IGFN1: variants seen among roughly 807,000 people sequenced by gnomAD.
IGFN1 encodes the protein immunoglobulin-like and fibronectin type III domain-containing protein 1.
In IGFN1, 253 loss-of-function variants were observed where a neutral mutation model predicts 289.5. That is an observed-to-expected ratio of 0.87 (90% confidence interval 0.79 to 0.97). The LOEUF (loss-of-function observed/expected upper bound fraction) is 0.97. IGFN1 is among the 50% of genes least tolerant of loss of function. The pLI is 0.00. For missense variants in IGFN1, 4,470 were observed against 4,686.1 expected, an observed-to-expected ratio of 0.95 and a Z score of 1.35; for synonymous variants, 1,706 against 1,788.5, an observed-to-expected ratio of 0.95 and a Z score of 1.16.
chr1:201,196,041 C>T lies in IGFN1; in HGVS notation c.267+63C>T. 3 of 1,496,638 alleles carry T rather than the reference C, an allele frequency of 2.0e-6. No homozygotes were observed. The South Asian group carries it at 3.8e-5, about 19-fold the overall frequency. 92.7% of individuals were successfully genotyped at this position (1,496,638 alleles called of 1,614,324 possible). A position where few individuals can be genotyped will look rare whatever the true frequency, so the allele number is the denominator to read the frequency against. ...CGTCTTTTCCCATCCCCTTGAAGGTCTCTTTGGCAGCCTCCAATCCCTAGA... is the reference window on the plus strand; with the variant it reads ...CGTCTTTTCCCATCCCCTTGAAGGTTTCTTTGGCAGCCTCCAATCCCTAGA... On this transcript the variant is annotated intron_variant, in intron 4 of 23. Coordinates refer to ENST00000335211, the MANE Select transcript of IGFN1 (RefSeq NM_001164586.2).
rs1400849848 is a variant in IGFN1, at chr1:201,207,273, A to G, written c.2380A>G (p.Arg794Gly). 6.5e-7 allele frequency: 1 copy of G among 1,536,790 alleles called. No homozygotes were observed. The highest frequency in any genetic ancestry group is 1.2e-5 in the South Asian group (1 of 84,056). The part of the protein sequence containing the change: ...CEGVLQELRG[R>G]DGQETAWASG... ...AGGTGTCCTACAGGAGCTCAGGGGA[A>G]GGGATGGCCAGGAAACAGCTTGGGC... The change falls in exon 12 of 24, where the codon AGG (arginine) becomes GGG (glycine). Residue 794 changes from arginine (R) to glycine (G), a missense_variant. Around this residue, in one of 8 missense-constraint regions of IGFN1, gnomAD observed 2,011 missense variants for 1,953.4 expected, o/e 1.03. Transcript: ENST00000335211.
In IGFN1 at chr1:201,215,091, C is replaced by T; in HGVS notation, c.8932C>T (p.Gln2978Ter). The change falls in exon 14 of 24, where the codon CAA (glutamine) becomes TAA (stop). Residue 2978 changes from glutamine to a stop codon, truncating the protein, a stop_gained. Coordinates refer to ENST00000335211, the MANE Select transcript of IGFN1 (RefSeq NM_001164586.2). LOFTEE classifies it high-confidence loss of function. ...SLFITHVQGT[Q>*]AGRYTFVAGD... is the part of the protein sequence containing the mutation. ...CTTCATCACGCATGTGCAGGGGACC[C>T]AAGCTGGGAGGTACACCTTTGTAGC... The T allele has an allele frequency of 1.9e-6, 3 of 1,614,074 alleles. No homozygotes were observed. Among genetic ancestry groups the T allele is most frequent in the South Asian group, 1.1e-5 (1 of 91,070 alleles).
intron 5 of IGFN1, among the ~76,000 whole-genome samples, chr1:201,197,749 C>T (rs191331928): frequency 1.1e-3 from 161 of 152,144 alleles, no homozygotes; most frequent in African/African-American, 3.5e-3. Context: ...TTTTGGTGTG[C>T]GTGGTGTTTG....
chr1:201,200,405 G>T lies in IGFN1; in HGVS notation c.627G>T (p.Met209Ile). Residue 209 changes from methionine to isoleucine, a missense_variant, in exon 8 of 24, where the codon ATG becomes ATT. Physicochemically the swap from Met to Ile is conservative, Grantham distance 10. Transcript: ENST00000335211. ...TGAAGAAGGAACAGGAGGACAAGAT[G>T]GCACAGGTGCCTCACCCCATTCCCA... ...QEMKKEQEDKMAQYINTISSL... is the reference protein window; with the variant it reads ...QEMKKEQEDKIAQYINTISSL... The T allele has an allele frequency of 6.4e-7, 1 of 1,551,468 alleles. No individual in the cohort carries two copies. The highest frequency in any genetic ancestry group is 1.2e-5 in the South Asian group (1 of 84,036).
At position 201,206,063 on chromosome 1, in the gene IGFN1, T is replaced by A. The variant is rs984506998; in HGVS notation, c.1190-20T>A. Reference sequence around the variant, plus strand: ...TCCATGTGGGCACTGACCTTCCATATGAATAACCCCTCACTGAAGCTGGGA... The same window carrying A: ...TCCATGTGGGCACTGACCTTCCATAAGAATAACCCCTCACTGAAGCTGGGA... On this transcript the variant is annotated intron_variant, in intron 11 of 23. Transcript: ENST00000335211. 32 of 1,488,222 alleles carry A rather than the reference T, an allele frequency of 2.2e-5. No individual in the cohort carries two copies. In the African/African-American group the frequency reaches 4.1e-4, roughly 19 times the overall value. The allele number at this position is 1,488,222 out of a possible 1,614,324, so 92.2% of individuals were successfully genotyped here.
Position 201,213,303 on chromosome 1 carries a change from G to A in IGFN1, c.8410G>A (p.Glu2804Lys). The A allele has an allele frequency of 6.4e-7, 1 of 1,569,624 alleles. No homozygotes were observed. The highest frequency in any genetic ancestry group is 8.6e-7 in the Non-Finnish European group (1 of 1,157,512). ...GGAGGATGAAGGGCAGGGAGTGGAA[G>A]AGGCTGGGAGGTCAGGCAGGAGGCC... Reference protein sequence around the residue: ...LKEDEGQGVEEAGRSGRRPGS... With the variant: ...LKEDEGQGVEKAGRSGRRPGS... The change falls in exon 12 of 24, where the codon GAG becomes AAG. Residue 2804 changes from glutamate (E) to lysine (K), a missense_variant. Transcript: ENST00000335211.
In IGFN1 at chr1:201,211,987, T is replaced by C; in HGVS notation, c.7094T>C (p.Leu2365Pro). 2.0e-6 allele frequency: 3 copies of C among 1,535,502 alleles called. No homozygotes were observed. Among genetic ancestry groups the C allele is most frequent in the South Asian group, 1.2e-5 (1 of 83,952 alleles). The change falls in exon 12 of 24, where the codon CTT (leucine) becomes CCT (proline). Residue 2365 changes from leucine to proline, a missense_variant. Transcript: ENST00000335211. ...KMGYGDGSGR[L>P]GVPGSLAGIG... ...GGTTATGGAGATGGTTCAGGGAGGC[T>C]TGGAGTACCAGGCTCACTGGCTGGA...
At position 201,221,578 on chromosome 1, in the gene IGFN1, A is replaced by G; in HGVS notation, c.10033A>G (p.Ser3345Gly). 6.2e-7 allele frequency: 1 copy of G among 1,614,222 alleles called. No homozygotes were observed. The highest frequency in any genetic ancestry group is 8.5e-7 in the Non-Finnish European group (1 of 1,180,022). Residue 3345 changes from serine to glycine, a missense_variant, in exon 19 of 24, where the codon AGT (serine) becomes GGT (glycine). Transcript: ENST00000335211. ...GYVVELCSSD[S>G]LQWLPCHVGT... ...TGTGGTGGAGCTGTGCAGCTCAGACAGTCTCCAGTGGCTCCCGTGCCATGT... is the reference window on the plus strand; with the variant it reads ...TGTGGTGGAGCTGTGCAGCTCAGACGGTCTCCAGTGGCTCCCGTGCCATGT...
chr1:201,215,629 TC>T lies in IGFN1; in HGVS notation c.9088del (p.Gln3030ArgfsTer51). ...AGKPVIVKIP[F>X]QSHLPIQAAW... is the part of the protein sequence containing the mutation. ...AAGCCGGTGATAGTGAAGATCCCCT[TC>T]CAGAGCCACCTCCCCATTCAGGCTG... On this transcript the variant is annotated frameshift_variant, in exon 15 of 24. Transcript: ENST00000335211. LOFTEE classifies it high-confidence loss of function. 6.2e-7 allele frequency: 1 copy of T among 1,613,862 alleles called. No homozygotes were observed. Among genetic ancestry groups the T allele is most frequent in the Non-Finnish European group, 8.5e-7 (1 of 1,179,932 alleles).
At position 201,209,141 on chromosome 1, in the gene IGFN1, T is replaced by C; in HGVS notation, c.4248T>C (p.Gly1416=). ...DESGHRNGIG[G]YGEMGSGYRE... is the part of the protein sequence containing the mutation. ...CAGGTCATAGGAATGGGATTGGAGG[T>C]TATGGGGAAATGGGGTCAGGTTATA... The change falls in exon 12 of 24, where the codon GGT becomes GGC. Residue 1416 remains glycine, a synonymous_variant. Transcript: ENST00000335211. The C allele has an allele frequency of 6.6e-7, 1 of 1,518,606 alleles. No individual in the cohort carries two copies. The highest frequency in any genetic ancestry group is 2.5e-5 in the East Asian group (1 of 40,330). 94.1% of individuals were successfully genotyped at this position (1,518,606 alleles called of 1,614,324 possible). A position where few individuals can be genotyped will look rare whatever the true frequency, so the allele number is the denominator to read the frequency against.
In IGFN1 at chr1:201,201,807, C is replaced by T. The variant is rs571235495; in HGVS notation, c.722C>T (p.Ser241Phe). The change falls in exon 9 of 24, where the codon TCT (serine) becomes TTT (phenylalanine). Residue 241 changes from serine (S) to phenylalanine (F), a missense_variant. By Grantham distance (155) the Ser-to-Phe change is radical (BLOSUM62 -2). Coordinates refer to ENST00000335211, the MANE Select transcript of IGFN1 (RefSeq NM_001164586.2). ...GACTTGGAGCTGGATCTCAAGGATT[C>T]TCAGAGCAAGATTTACCTGTATAAG... ...KFDLELDLKD[S>F]QSKIYLYKDG... The T allele has an allele frequency of 6.5e-7, 1 of 1,535,958 alleles. No homozygotes were observed. Among genetic ancestry groups the T allele is most frequent in the African/African-American group, 1.4e-5 (1 of 72,616 alleles).
chr1:201,196,477 T>A (rs1666923261), intron 4 of IGFN1, among the ~76,000 whole-genome samples: 1 of 152,200 alleles, frequency 6.6e-6, no homozygotes, highest in African/African-American at 2.4e-5. Flanking sequence ...CCCAAGTAGC[T>A]GAGATTACAG....
chr1:201,207,975 C>T lies in IGFN1; in HGVS notation c.3082C>T (p.Pro1028Ser). ...GVWSGNEDSG[P>S]AGGGSGRVAS... is the part of the protein sequence containing the mutation. ...GTGGTCTGGAAATGAAGATTCTGGC[C>T]CTGCAGGAGGAGGGTCTGGGAGAGT... Residue 1028 changes from proline to serine, a missense_variant, in exon 12 of 24, where the codon CCT (proline) becomes TCT (serine). Coordinates refer to ENST00000335211, the MANE Select transcript of IGFN1 (RefSeq NM_001164586.2). 1 of 1,536,680 alleles carries T rather than the reference C, an allele frequency of 6.5e-7. No homozygotes were observed. Among genetic ancestry groups the T allele is most frequent in the Non-Finnish European group, 8.7e-7 (1 of 1,146,782 alleles).
In IGFN1 at chr1:201,208,473, C is replaced by T; in HGVS notation, c.3580C>T (p.Pro1194Ser). The part of the protein sequence containing the change: ...DDTRHPESLA[P>S]HNGAASGSQW... ...TACCAGGCACCCTGAGTCACTCGCACCTCACAATGGGGCCGCTTCTGGGAG... is the reference window on the plus strand; with the variant it reads ...TACCAGGCACCCTGAGTCACTCGCATCTCACAATGGGGCCGCTTCTGGGAG... Residue 1194 changes from proline to serine, a missense_variant, in exon 12 of 24, where the codon CCT becomes TCT. This residue lies in a region of IGFN1 where 2,011 missense variants were observed against 1,953.4 expected (regional missense o/e 1.03). Transcript: ENST00000335211. The T allele has an allele frequency of 6.9e-7, 1 of 1,446,212 alleles. No individual in the cohort carries two copies. Among genetic ancestry groups the T allele is most frequent in the Middle Eastern group, 1.8e-4 (1 of 5,536 alleles). 89.6% of individuals were successfully genotyped at this position (1,446,212 alleles called of 1,614,324 possible).
intron 4 of IGFN1, among the ~76,000 whole-genome samples, chr1:201,196,257 C>A (rs1407433997): frequency 6.6e-6 from 1 of 152,220 alleles, no homozygotes; most frequent in Non-Finnish European, 1.5e-5. Context: ...CCAGGCCCAC[C>A]ACCTTGGCTT....
In IGFN1 at chr1:201,196,795, G is replaced by A. The variant is rs78470329; in HGVS notation, c.268-423G>A. Among the ~76,000 whole-genome samples, 1,479 of 152,264 alleles carry A rather than the reference G, an allele frequency of 9.7e-3. 45 individuals are homozygous for A. Among genetic ancestry groups the A allele is most frequent in the East Asian group, 0.093 (481 of 5,184 alleles). The stretch of plus-strand genomic sequence containing the variant: ...ATGTGCCAGGCCCTACTATGTCCCA[G>A]GGGCTAAATATTTGACATAGATTAT... On this transcript the variant is annotated intron_variant, in intron 4 of 23. Coordinates refer to ENST00000335211, the MANE Select transcript of IGFN1 (RefSeq NM_001164586.2).
At position 201,216,570 on chromosome 1, in the gene IGFN1, G is replaced by C. The variant is rs1469821733; in HGVS notation, c.9412G>C (p.Val3138Leu). The change falls in exon 16 of 24, where the codon GTG (valine) becomes CTG (leucine). Residue 3138 changes from valine to leucine, a missense_variant. Val to Leu is a conservative substitution (Grantham distance 32). Around this residue, in one of 8 missense-constraint regions of IGFN1, gnomAD observed 2,218 missense variants for 2,114.1 expected, o/e 1.05. Coordinates refer to ENST00000335211, the MANE Select transcript of IGFN1 (RefSeq NM_001164586.2). ...GGGCCGGACTGTAGAGTGCTACGTG[G>C]TGGAGAGACGGCAGGCTGGCAGGAG... ...NGGRTVECYVVERRQAGRSTW... is the reference protein window; with the variant it reads ...NGGRTVECYVLERRQAGRSTW... The C allele has an allele frequency of 6.2e-7, 1 of 1,613,680 alleles. No individual in the cohort carries two copies. Among genetic ancestry groups the C allele is most frequent in the African/African-American group, 1.3e-5 (1 of 75,050 alleles).
At chr1:201,221,368 G>T in intron 18 of IGFN1, 76 bp from the exon 19 acceptor site, 1 of 1,135,736 alleles carries the variant, frequency 8.8e-7, no homozygotes. Flanking sequence ...CTCCCACAAG[G>T]AAGGCTAATC....
intron 12 of IGFN1, 134 bp from the exon 13 acceptor site, chr1:201,214,043 A>G (rs1667969599): frequency 2.3e-6 from 2 of 868,882 alleles, no homozygotes; most frequent in Non-Finnish European, 3.4e-6. Context: ...GAGCCAAGAT[A>G]GCATAGGTGC....
Sources: gnomAD v4.1 joint callset for allele counts (sites outside exome capture counted in the v4.1 genomes callset) on GRCh38, gnomAD v4.1.1 for gene constraint, gnomAD v4.1.1 regional missense constraint, MANE v1.5 for transcripts, NCBI Gene and HGNC (gene_info 2026-07-23, HGNC 2026-07-21) for gene names.